The following GALNT10 variants were observed in gnomAD, a reference collection of about 807,000 sequenced individuals.
GALNT10 encodes GalNAc transferase 10.
A neutral mutation model predicts 75.0 loss-of-function variants in GALNT10; 41 were observed. The ratio of observed to expected loss-of-function variants is 0.55; its 90% CI spans 0.43 to 0.71. The LOEUF is 0.71. Ranked by LOEUF, GALNT10 falls within the 30% of genes least tolerant of loss-of-function variation. The pLI, the probability that GALNT10 is intolerant of heterozygous loss-of-function variation, is 0.00. For synonymous variants in GALNT10, 302 were observed against 313.0 expected, an observed-to-expected ratio of 0.96 and a Z score of 0.37; for missense variants, 727 against 818.5, an observed-to-expected ratio of 0.89 and a Z score of 1.36.
chr5:154,385,856 T>C (rs1329298024), intron 6 of GALNT10, among the ~76,000 whole-genome samples: 1 of 152,228 alleles, frequency 6.6e-6, no homozygotes, highest in Non-Finnish European at 1.5e-5. Flanking sequence ...AGCCCTAGGC[T>C]GCCTCCCGCA....
At chr5:154,283,666 T>A (rs1754074536) in intron 1 of GALNT10, among the ~76,000 whole-genome samples, 1 of 152,132 alleles carries the variant, frequency 6.6e-6, no homozygotes, top group South Asian at 2.1e-4. Flanking sequence ...GAGACTTTCC[T>A]CCTGGGCCAG....
chr5:154,396,311 C>A (rs1490183094), intron 7 of GALNT10, among the ~76,000 whole-genome samples: 2 of 152,176 alleles, frequency 1.3e-5, no homozygotes, highest in Admixed American at 1.3e-4. Context: ...AAAGTGAATG[C>A]ATTGCGGCCA....
intron 3 of GALNT10, among the ~76,000 whole-genome samples, chr5:154,324,915 T>A (rs373056481): frequency 6.6e-6 from 1 of 151,822 alleles, no homozygotes; most frequent in Admixed American, 6.6e-5. Flanking sequence ...TCGACTTGCT[T>A]AGAAAGAAAA....
intron 7 of GALNT10, among the ~76,000 whole-genome samples, chr5:154,400,653 C>T (rs993669333): frequency 1.3e-5 from 2 of 152,158 alleles, no homozygotes; most frequent in Non-Finnish European, 2.9e-5. Flanking sequence ...TAATATTTCA[C>T]TTCTGGTAAA....
At chr5:154,212,950 A>G (rs1327157867) in intron 1 of GALNT10, among the ~76,000 whole-genome samples, 3 of 145,510 alleles carry the variant, frequency 2.1e-5, no homozygotes, top group African/African-American at 7.8e-5. Context: ...CCTGGGCGAC[A>G]GAGTGAGATT....
intron 8 of GALNT10, among the ~76,000 whole-genome samples, chr5:154,408,577 C>A (rs912244014): frequency 1.3e-5 from 2 of 152,098 alleles, no homozygotes; most frequent in Middle Eastern, 6.8e-3. Context: ...CTTCCTCTGT[C>A]CCCAAGTCTA....
chr5:154,241,170 C>T (rs1382848928), intron 1 of GALNT10, among the ~76,000 whole-genome samples: 3 of 152,124 alleles, frequency 2.0e-5, no homozygotes, highest in African/African-American at 7.2e-5. Flanking sequence ...TGTGCTATTG[C>T]CAGTTAGACG....
intron 1 of GALNT10, among the ~76,000 whole-genome samples, chr5:154,231,948 G>C (rs1373730497): frequency 6.6e-6 from 1 of 152,206 alleles, no homozygotes; most frequent in Non-Finnish European, 1.5e-5. Context: ...TCAGCCCAAA[G>C]AGCCTGTTAA....
At chr5:154,414,660 G>GACT (rs1351767028) in intron 10 of GALNT10, among the ~76,000 whole-genome samples, 1 of 152,034 alleles carries the variant, frequency 6.6e-6, no homozygotes, top group Non-Finnish European at 1.5e-5. Context: ...TCATTACCTT[G>GACT]ATTATGATGA....
At chr5:154,283,892 C>T (rs1284719628) in intron 1 of GALNT10, among the ~76,000 whole-genome samples, 2 of 152,182 alleles carry the variant, frequency 1.3e-5, no homozygotes, top group African/African-American at 4.8e-5. Context: ...TGGGTCCTGT[C>T]CCCTGACCAA....
chr5:154,250,666 G>A (rs1753503257), intron 1 of GALNT10, among the ~76,000 whole-genome samples: 1 of 152,194 alleles, frequency 6.6e-6, no homozygotes, highest in South Asian at 2.1e-4. Context: ...GAGGGGGTTA[G>A]AGTGAGAAAT....
At chr5:154,217,376 A>T (rs1752891287) in intron 1 of GALNT10, among the ~76,000 whole-genome samples, 1 of 151,996 alleles carries the variant, frequency 6.6e-6, no homozygotes, top group Admixed American at 6.6e-5. Flanking sequence ...GGAATTTTAC[A>T]TCTCCCTTCC....
At chr5:154,285,308 G>T (rs2113060609) in intron 1 of GALNT10, among the ~76,000 whole-genome samples, 1 of 152,222 alleles carries the variant, frequency 6.6e-6, no homozygotes, top group Admixed American at 6.5e-5. Flanking sequence ...CTTCTTTCTT[G>T]ACTATGTGTC....
intron 1 of GALNT10, among the ~76,000 whole-genome samples, chr5:154,267,245 G>A (rs1243937593): frequency 6.6e-6 from 1 of 152,208 alleles, no homozygotes; most frequent in East Asian, 1.9e-4. Flanking sequence ...AAGTAGCTGT[G>A]GCTACTTGGG....
intron 3 of GALNT10, among the ~76,000 whole-genome samples, chr5:154,326,039 A>G (rs1300391933): frequency 6.6e-6 from 1 of 152,188 alleles, no homozygotes; most frequent in Non-Finnish European, 1.5e-5. Flanking sequence ...TACAAAATTA[A>G]TATACAAAAA....
At chr5:154,232,091 G>C (rs1753159492) in intron 1 of GALNT10, among the ~76,000 whole-genome samples, 3 of 152,148 alleles carry the variant, frequency 2.0e-5, no homozygotes, top group African/African-American at 4.8e-5. Context: ...TAAGGCAGTG[G>C]GAATAAACTA....
chr5:154,219,909 T>C (rs1752949855), intron 1 of GALNT10: 1 of 148,838 alleles, frequency 6.7e-6, no homozygotes, highest in Non-Finnish European at 1.5e-5. Context: ...TGAGATGACA[T>C]GAACACCCAA....
intron 4 of GALNT10, among the ~76,000 whole-genome samples, chr5:154,350,083 A>T (rs909326120): frequency 6.6e-6 from 1 of 152,260 alleles, no homozygotes. Context: ...TCTAGAGACA[A>T]GTGTGGAACA....
intron 6 of GALNT10, among the ~76,000 whole-genome samples, chr5:154,385,371 G>A (rs149080030): frequency 2.6e-5 from 4 of 152,176 alleles, no homozygotes; most frequent in East Asian, 1.9e-4. Flanking sequence ...ATGATTTGTC[G>A]TCTCTGTGTC....
Sources: gnomAD v4.1 joint callset for allele counts (sites outside exome capture counted in the v4.1 genomes callset) on GRCh38, gnomAD v4.1.1 for gene constraint, MANE v1.5 for transcripts, NCBI Gene and HGNC (gene_info 2026-07-23, HGNC 2026-07-21) for gene names.